FLI1: variants seen among roughly 807,000 people sequenced by gnomAD.
FLI1 encodes the protein Fli-1 proto-oncogene, ETS transcription factor.
In FLI1, 13 loss-of-function variants were observed where a neutral mutation model predicts 53.1. The ratio of observed to expected loss-of-function variants is 0.24; its 90% CI spans 0.16 to 0.39. The LOEUF is 0.39. Among genes scored for constraint, FLI1 ranks in the 10% least tolerant of loss-of-function variants. The probability of loss-of-function intolerance (pLI) is 1.00; values close to 1 mark genes in which losing one functional copy is unlikely to be tolerated. For missense variants in FLI1, 424 were observed against 600.5 expected, an observed-to-expected ratio of 0.71 and a Z score of 3.07; for synonymous variants, 244 against 236.7, an observed-to-expected ratio of 1.03 and a Z score of -0.28.
At chr11:128,756,923 G>A (rs566053953) in intron 1 of FLI1, among the ~76,000 whole-genome samples, 4 of 152,148 alleles carry the variant, frequency 2.6e-5, no homozygotes, top group Admixed American at 1.3e-4. Context: ...CGAGACTGTC[G>A]CCCAGGCTGA....
intron 5 of FLI1, among the ~76,000 whole-genome samples, chr11:128,787,818 T>TC (rs1442876213): frequency 1.3e-4 from 19 of 150,726 alleles, no homozygotes; most frequent in Admixed American, 5.3e-4. Context: ...TTTTTTTTTT[T>TC]TTTTTTGAGA....
chr11:128,727,647 C>T lies in FLI1; in HGVS notation c.19-30468C>T, dbSNP rs145261507. ...ATTGAGAAGGAGGTGCATTCAGCCA[C>T]ATGTGTTCATAAACACTTAACAACT... On this transcript the variant is annotated intron_variant, in intron 1 of 8. Coordinates refer to ENST00000527786, the MANE Select transcript of FLI1 (RefSeq NM_002017.5). Among the ~76,000 whole-genome samples, 348 of 152,322 alleles carry T rather than the reference C, an allele frequency of 2.3e-3. 1 individual carries two copies. The highest frequency in any genetic ancestry group is 8.0e-3 in the African/African-American group (331 of 41,564).
intron 6 of FLI1, 130 bp downstream of exon 6, chr11:128,805,561 T>C (rs1942760286): frequency 1.7e-5 from 11 of 628,702 alleles, no homozygotes; most frequent in South Asian, 1.2e-4. Flanking sequence ...ATCAAAATTA[T>C]TTGCCAATTT....
intron 5 of FLI1, among the ~76,000 whole-genome samples, chr11:128,800,999 T>C (rs1350623175): frequency 6.6e-6 from 1 of 152,194 alleles, no homozygotes; most frequent in African/African-American, 2.4e-5. Context: ...AACCAGGGTG[T>C]GATTGTCTGC....
intron 5 of FLI1, among the ~76,000 whole-genome samples, chr11:128,796,222 G>C (rs979522477): frequency 6.6e-6 from 1 of 152,120 alleles, no homozygotes; most frequent in African/African-American, 2.4e-5. Context: ...ACAGTCCTAT[G>C]CTTGATAAAT....
intron 1 of FLI1, among the ~76,000 whole-genome samples, chr11:128,698,646 A>G (rs1938188021): frequency 6.6e-6 from 1 of 151,886 alleles, no homozygotes; most frequent in Non-Finnish European, 1.5e-5. Context: ...CCATGAAAAT[A>G]TCATTTGCTT....
intron 1 of FLI1, among the ~76,000 whole-genome samples, chr11:128,753,547 G>T (rs7130495): frequency 0.032 from 4,912 of 152,270 alleles, 286 homozygotes; most frequent in African/African-American, 0.11. Context: ...ATTTATCCGT[G>T]GAAAGTTCTT....
intron 5 of FLI1, among the ~76,000 whole-genome samples, chr11:128,790,221 T>C (rs573920821): frequency 1.3e-5 from 2 of 151,968 alleles, no homozygotes; most frequent in Non-Finnish European, 2.9e-5. Flanking sequence ...ATGTTCTGTC[T>C]GCTTTCTATC....
chr11:128,718,327 A>G (rs952160967), intron 1 of FLI1, among the ~76,000 whole-genome samples: 1 of 152,178 alleles, frequency 6.6e-6, no homozygotes, highest in Non-Finnish European at 1.5e-5. Flanking sequence ...GTCTGAGCAA[A>G]TCCTTCCACT....
chr11:128,773,908 G>A (rs1941652397), intron 4 of FLI1, among the ~76,000 whole-genome samples: 1 of 151,994 alleles, frequency 6.6e-6, no homozygotes, highest in Admixed American at 6.6e-5. Context: ...CAAAGACAGG[G>A]CAGCCTTGAG....
At position 128,773,069 on chromosome 11, in the gene FLI1, G is replaced by A. The variant is rs186123365; in HGVS notation, c.589+84G>A. ...GAGAGGAAGTCAGTGCTGCCCGTTC[G>A]TGTTGGGCAGATGCCGCCGGAGCAG... On this transcript the variant is annotated intron_variant, in intron 4 of 8. Transcript: ENST00000527786. 1,849 of 1,289,486 alleles carry A rather than the reference G, an allele frequency of 1.4e-3. 17 individuals are homozygous for A. In the African/African-American group the frequency reaches 0.02, roughly 14 times the overall value. The allele number at this position is 1,289,486 out of a possible 1,614,324, so 79.9% of individuals were successfully genotyped here. A position where few individuals can be genotyped will look rare whatever the true frequency, so the allele number is the denominator to read the frequency against.
At position 128,810,963 on chromosome 11, in the gene FLI1, C is replaced by G. The variant is rs772473111; in HGVS notation, c.1334C>G (p.Pro445Arg). Reference protein sequence around the residue: ...NVPRHPNTHVPSHLGSYY With the variant: ...NVPRHPNTHVRSHLGSYY Reference sequence around the variant, plus strand: ...CCCCGCCATCCTAACACCCACGTGCCTTCACACTTAGGCAGCTACTACTAG... The same window carrying G: ...CCCCGCCATCCTAACACCCACGTGCGTTCACACTTAGGCAGCTACTACTAG... The change falls in exon 9 of 9, where the codon CCT (proline) becomes CGT (arginine). Residue 445 changes from proline to arginine, a missense_variant. By Grantham distance (103) the Pro-to-Arg change is moderately radical. This residue lies in a region of FLI1 where 87 missense variants were observed against 100.0 expected (regional missense o/e 0.87). Coordinates refer to ENST00000527786, the MANE Select transcript of FLI1 (RefSeq NM_002017.5). The surrounding 1 kb of genome is among the most constrained non-coding windows in gnomAD (Gnocchi z 6.6). The G allele has an allele frequency of 6.2e-7, 1 of 1,614,034 alleles. No homozygotes were observed. The highest frequency in any genetic ancestry group is 8.5e-7 in the Non-Finnish European group (1 of 1,179,898).
chr11:128,807,204 C>T lies in FLI1; in HGVS notation c.746C>T (p.Thr249Met), dbSNP rs375560426. Residue 249 changes from threonine (T) to methionine (M), a missense_variant, in exon 7 of 9, where the codon ACG becomes ATG. Physicochemically the swap from Thr to Met is moderately conservative, Grantham distance 81. Coordinates refer to ENST00000527786, the MANE Select transcript of FLI1 (RefSeq NM_002017.5). ...NKSPPLGGAQ[T>M]ISKNTEQRPQ... ...GGTCCTCCCCTTGGAGGGGCACAAA[C>T]GATCAGTAAGAATACAGAGCAACGG... The T allele has an allele frequency of 2.1e-5, 33 of 1,600,150 alleles. No individual in the cohort carries two copies. Among genetic ancestry groups the T allele is most frequent in the African/African-American group, 1.2e-4 (9 of 74,426 alleles).
Position 128,791,641 on chromosome 11 carries a change from C to T in FLI1, c.655+9618C>T, listed in dbSNP as rs574620004. On this transcript the variant is annotated intron_variant, in intron 5 of 8. Transcript: ENST00000527786. ...GAACTAACCCTTTGAGATGTTTCTA[C>T]AAGGTGGATGTTTTGGCTCTATCCA... Among the ~76,000 whole-genome samples, 4 of 152,226 alleles carry T rather than the reference C, an allele frequency of 2.6e-5. No homozygotes were observed. In the South Asian group the frequency reaches 8.3e-4, roughly 32 times the overall value.
intron 1 of FLI1, among the ~76,000 whole-genome samples, chr11:128,702,709 A>T (rs1346406064): frequency 1.3e-5 from 2 of 152,220 alleles, no homozygotes; most frequent in East Asian, 3.9e-4. Context: ...TAAAAGTACA[A>T]AAATTAGCTG....
At chr11:128,752,582 C>T (rs981517696) in intron 1 of FLI1, among the ~76,000 whole-genome samples, 3 of 152,184 alleles carry the variant, frequency 2.0e-5, no homozygotes, top group Non-Finnish European at 4.4e-5. Flanking sequence ...CAAGAAAGAA[C>T]CTGTGAAGAG....
At chr11:128,691,194 G>A (rs565038535), upstream of FLI1, among the ~76,000 whole-genome samples, 5 of 152,326 alleles carry the variant, frequency 3.3e-5, no homozygotes, top group Admixed American at 6.5e-5. Flanking sequence ...TGAGCTGCCA[G>A]GATCAAACCA....
chr11:128,727,254 G>T (rs1040729748), intron 1 of FLI1, among the ~76,000 whole-genome samples: 2 of 152,200 alleles, frequency 1.3e-5, no homozygotes, highest in South Asian at 2.1e-4. Flanking sequence ...ATTTCATAAG[G>T]CTATGGTGAG....
At chr11:128,787,989 T>C (rs1942147880) in intron 5 of FLI1, among the ~76,000 whole-genome samples, 1 of 151,734 alleles carries the variant, frequency 6.6e-6, no homozygotes, top group Non-Finnish European at 1.5e-5. Flanking sequence ...TTTTGTATTT[T>C]TTAGTAGAGA....
Sources: allele counts gnomAD v4.1 joint callset (sites outside exome capture counted in the v4.1 genomes callset), GRCh38; gene constraint gnomAD v4.1.1; regional missense constraint gnomAD v4.1.1; non-coding constraint Gnocchi (gnomAD v3.1); transcripts MANE v1.5; gene names NCBI Gene and HGNC (gene_info 2026-07-23, HGNC 2026-07-21).